SGCD: variants seen among roughly 807,000 people sequenced by gnomAD.
The protein encoded by SGCD is sarcoglycan delta, also known as delta-sarcoglycan.
SGCD carries 18 observed loss-of-function variants against 36.6 expected under a neutral mutation model. The ratio of observed to expected loss-of-function variants is 0.49; its 90% CI spans 0.34 to 0.73. The LOEUF is 0.73. Among genes scored for constraint, SGCD ranks in the 30% least tolerant of loss-of-function variants. The probability of loss-of-function intolerance (pLI) is 0.01; values close to 1 mark genes in which losing one functional copy is unlikely to be tolerated. For synonymous variants in SGCD, 133 were observed against 130.6 expected (o/e 1.02, Z -0.12); for missense variants, 387 against 346.7 (o/e 1.12, Z -0.92).
At chr5:156,071,522 A>C (rs1418529807) in intron 1 of SGCD, among the ~76,000 whole-genome samples, 1 of 152,106 alleles carries the variant, frequency 6.6e-6, no homozygotes, top group East Asian at 1.9e-4. Flanking sequence ...CTGTTCTTTT[A>C]CATTTGCTGA....
intron 1 of SGCD, among the ~76,000 whole-genome samples, chr5:155,898,877 G>T (rs1362176375): frequency 6.6e-6 from 1 of 152,164 alleles, no homozygotes; most frequent in Non-Finnish European, 1.5e-5. Context: ...TGCTAACCAG[G>T]TATCTCTTAT....
At chr5:156,723,522 G>A (rs576638576) in intron 7 of SGCD, among the ~76,000 whole-genome samples, 18 of 152,338 alleles carry the variant, frequency 1.2e-4, no homozygotes, top group South Asian at 8.3e-4. Flanking sequence ...CAGCAATACC[G>A]TAAATATATG....
chr5:156,454,738 T>C (rs1039712136), intron 3 of SGCD, among the ~76,000 whole-genome samples: 2 of 151,854 alleles, frequency 1.3e-5, no homozygotes, highest in Non-Finnish European at 2.9e-5. Context: ...GAGAGTTGAG[T>C]GTGGACTTGA....
chr5:155,754,704 T>A, the SGCD span, among the ~76,000 whole-genome samples: 1 of 152,256 alleles, frequency 6.6e-6, no homozygotes, highest in Non-Finnish European at 1.5e-5. Flanking sequence ...GAGTGAATTT[T>A]ATTTTTCAAC....
chr5:156,614,542 G>A (rs183614618), intron 6 of SGCD, among the ~76,000 whole-genome samples: 12 of 152,246 alleles, frequency 7.9e-5, no homozygotes, highest in Admixed American at 1.3e-4. Context: ...CTGACCATTC[G>A]CTGATCCCTT....
chr5:156,233,267 C>T (rs1318797133), intron 3 of SGCD, among the ~76,000 whole-genome samples: 4 of 152,154 alleles, frequency 2.6e-5, no homozygotes. Flanking sequence ...TTGTGTAATG[C>T]CTTTGCAGTA....
intron 4 of SGCD, among the ~76,000 whole-genome samples, chr5:156,548,230 G>T (rs189446291): frequency 1.2e-3 from 177 of 152,258 alleles, no homozygotes; most frequent in African/African-American, 3.6e-3. Context: ...AATTTCACTG[G>T]CAAGATGAAT....
chr5:156,297,925 C>T (rs1766942919), intron 3 of SGCD, among the ~76,000 whole-genome samples: 1 of 151,842 alleles, frequency 6.6e-6, no homozygotes, highest in Non-Finnish European at 1.5e-5. Context: ...CCGCCCACCC[C>T]CAATCCCACA....
rs566205461 is a variant in SGCD, at chr5:156,007,113, G to A, written c.-281-110765G>A. 1.1e-3 allele frequency among the ~76,000 whole-genome samples: 169 copies of A among 152,160 alleles called. 1 individual carries two copies. Among genetic ancestry groups the A allele is most frequent in the African/African-American group, 3.8e-3 (157 of 41,522 alleles). On this transcript the variant is annotated intron_variant, in intron 1 of 9. Transcript: ENST00000517913. The stretch of plus-strand genomic sequence containing the variant: ...CCCTGCTACTTCCCTGGTCTATTCC[G>A]CAGGATCCTCTAGACTCACCCCTAA...
chr5:155,960,256 C>G (rs1757765303), intron 1 of SGCD, among the ~76,000 whole-genome samples: 1 of 152,028 alleles, frequency 6.6e-6, no homozygotes, highest in Non-Finnish European at 1.5e-5. Context: ...TCAGGGGAAA[C>G]CTAGGCCCTG....
intron 4 of SGCD, among the ~76,000 whole-genome samples, chr5:156,588,181 G>A (rs765324766): frequency 1.3e-5 from 2 of 151,796 alleles, no homozygotes; most frequent in Non-Finnish European, 2.9e-5. Context: ...GTGTTAGCAC[G>A]CAGTGGCCTT....
chr5:156,613,930 G>A (rs1761928782), intron 6 of SGCD, among the ~76,000 whole-genome samples: 1 of 152,064 alleles, frequency 6.6e-6, no homozygotes, highest in African/African-American at 2.4e-5. Context: ...AACCCTATTA[G>A]GAGGGTACAG....
chr5:156,739,119 AT>A (rs963457758), intron 7 of SGCD, among the ~76,000 whole-genome samples: 34 of 151,790 alleles, frequency 2.2e-4, no homozygotes, highest in South Asian at 1.3e-3. Context: ...CTAGCATCAT[AT>A]TTTTTTTTCT....
At chr5:156,748,108 C>CA (rs1757013952) in intron 7 of SGCD, among the ~76,000 whole-genome samples, 1 of 152,058 alleles carries the variant, frequency 6.6e-6, no homozygotes, top group South Asian at 2.1e-4. Context: ...TCTCTAGTTT[C>CA]AAAAATCATA....
intron 1 of SGCD, among the ~76,000 whole-genome samples, chr5:155,911,416 C>G (rs1756628690): frequency 6.6e-6 from 1 of 151,364 alleles, no homozygotes; most frequent in Non-Finnish European, 1.5e-5. Flanking sequence ...GAAATCTAAA[C>G]ATCCTTCTAA....
chr5:156,387,086 C>A (rs375332086), intron 3 of SGCD, among the ~76,000 whole-genome samples: 24 of 152,228 alleles, frequency 1.6e-4, no homozygotes, highest in African/African-American at 5.8e-4. Context: ...ATCAAGAAGG[C>A]CTTGGGGAAT....
chr5:156,175,562 T>C (rs144724894), intron 3 of SGCD, among the ~76,000 whole-genome samples: 1 of 152,306 alleles, frequency 6.6e-6, no homozygotes, highest in Admixed American at 6.5e-5. Flanking sequence ...ATGCAAAGTA[T>C]AATAATTAAC....
intron 3 of SGCD, among the ~76,000 whole-genome samples, chr5:156,229,301 A>T (rs1271234148): frequency 4.6e-3 from 23 of 5,048 alleles, no homozygotes; most frequent in South Asian, 0.011. Context: ...TATATATATA[A>T]AATTAGTTCT....
intron 3 of SGCD, among the ~76,000 whole-genome samples, chr5:156,467,083 A>G (rs1342534626): frequency 1.3e-5 from 2 of 152,142 alleles, no homozygotes; most frequent in African/African-American, 4.8e-5. Flanking sequence ...CTGTTAATGT[A>G]GTGTGAAAGC....
Sources: gnomAD v4.1 joint callset for allele counts (sites outside exome capture counted in the v4.1 genomes callset) on GRCh38, gnomAD v4.1.1 for gene constraint, MANE v1.5 for transcripts, NCBI Gene and HGNC (gene_info 2026-07-23, HGNC 2026-07-21) for gene names.